Variants in BAZ2B observed in about 807,000 individuals in gnomAD.
BAZ2B encodes the protein bromodomain adjacent to zinc finger domain 2B.
A neutral mutation model predicts 246.0 loss-of-function variants in BAZ2B; 91 were observed. The observed-to-expected ratio is 0.37, with a 90% CI of 0.31 to 0.44. The LOEUF is 0.44. BAZ2B is among the 20% of genes least tolerant of loss of function. The probability of loss-of-function intolerance (pLI) is 1.00; values close to 1 mark genes in which losing one functional copy is unlikely to be tolerated. For missense variants in BAZ2B, 2,332 were observed against 2,533.7 expected (o/e 0.92, Z 1.71); for synonymous variants, 855 against 860.0 (o/e 0.99, Z 0.10).
intron 22 of BAZ2B, 114 bp from the exon 23 acceptor site, chr2:159,385,483 T>G (rs1022714190): frequency 1.1e-5 from 9 of 836,482 alleles, no homozygotes; most frequent in Non-Finnish European, 1.6e-5. Context: ...AAGAGCTTTA[T>G]TCACTTTTTT....
chr2:159,354,116 G>A (rs1449102980), intron 27 of BAZ2B, among the ~76,000 whole-genome samples: 1 of 152,070 alleles, frequency 6.6e-6, no homozygotes, highest in African/African-American at 2.4e-5. Context: ...TTTAGATAAT[G>A]TATTAGTTAG....
chr2:159,565,483 TA>T (rs2090297757), intron 1 of BAZ2B, among the ~76,000 whole-genome samples: 1 of 152,054 alleles, frequency 6.6e-6, no homozygotes, highest in South Asian at 2.1e-4. Flanking sequence ...ACTAAGCATC[TA>T]ATAAATGCTT....
intron 1 of BAZ2B, among the ~76,000 whole-genome samples, chr2:159,581,312 C>T (rs1337508427): frequency 6.6e-6 from 1 of 152,122 alleles, no homozygotes; most frequent in Admixed American, 6.5e-5. Context: ...CCAACAGACA[C>T]ATGAAAAAAT....
chr2:159,599,117 C>T (rs138067278), intron 1 of BAZ2B, among the ~76,000 whole-genome samples: 1 of 152,234 alleles, frequency 6.6e-6, no homozygotes, highest in Non-Finnish European at 1.5e-5. Flanking sequence ...GTAATCCCAG[C>T]TACTCAACTT....
At chr2:159,582,680 T>G (rs950072762) in intron 1 of BAZ2B, among the ~76,000 whole-genome samples, 5 of 152,054 alleles carry the variant, frequency 3.3e-5, no homozygotes, top group Non-Finnish European at 7.4e-5. Flanking sequence ...CCACTGGGCC[T>G]GGATGTTCAT....
chr2:159,390,025 T>C (rs2063136730), intron 20 of BAZ2B, among the ~76,000 whole-genome samples: 1 of 152,174 alleles, frequency 6.6e-6, no homozygotes, highest in Admixed American at 6.6e-5. Context: ...TGGAAATAAC[T>C]GACTTGTCTC....
At chr2:159,675,901 G>A in the BAZ2B span, among the ~76,000 whole-genome samples, 3 of 147,056 alleles carry the variant, frequency 2.0e-5, no homozygotes, top group African/African-American at 7.6e-5. Context: ...CCTACGTTCG[G>A]CTTTTTCTTT....
At chr2:159,395,882 G>T (rs1278321222) in intron 19 of BAZ2B, 48 bp from the exon 20 acceptor site, 1 of 1,502,738 alleles carries the variant, frequency 6.7e-7, no homozygotes, top group Non-Finnish European at 9.1e-7. Flanking sequence ...ACAATTAACA[G>T]TTTGATTTTC....
intron 1 of BAZ2B, among the ~76,000 whole-genome samples, chr2:159,572,694 C>T (rs1405977861): frequency 6.6e-6 from 1 of 151,948 alleles, no homozygotes. Flanking sequence ...TGAATTTTTC[C>T]ATATAGATAG....
chr2:159,606,515 T>C (rs72962214), intron 1 of BAZ2B, among the ~76,000 whole-genome samples: 9,938 of 152,276 alleles, frequency 0.065, 455 homozygotes, highest in East Asian at 0.23. Flanking sequence ...CAGAAGCATG[T>C]TTCAACAACC....
chr2:159,587,732 T>C (rs1370446791), intron 1 of BAZ2B, among the ~76,000 whole-genome samples: 2 of 152,172 alleles, frequency 1.3e-5, no homozygotes, highest in African/African-American at 4.8e-5. Context: ...TACTATATAG[T>C]AATTATTTAC....
At chr2:159,548,563 A>C (rs1007386851) in intron 2 of BAZ2B, among the ~76,000 whole-genome samples, 1 of 152,254 alleles carries the variant, frequency 6.6e-6, no homozygotes, top group African/African-American at 2.4e-5. Context: ...CATCTTAAAA[A>C]ATCAGTGGAT....
At chr2:159,512,145 C>A (rs189568163) in intron 2 of BAZ2B, among the ~76,000 whole-genome samples, 68 of 152,208 alleles carry the variant, frequency 4.5e-4, no homozygotes, top group African/African-American at 1.6e-3. Flanking sequence ...TTAATCTACA[C>A]CAGGTTTTTA....
In BAZ2B at chr2:159,337,530, G is replaced by A. The variant is rs1363773854; in HGVS notation, c.5660+37C>T. ...TAACTGTGCCCACATTATCCAGTTT[G>A]ATCTGAATGGTGGTACTTAAGGGGC... On this transcript the variant is annotated intron_variant, in intron 32 of 36. Transcript: ENST00000392783. The A allele has an allele frequency of 9.9e-6, 16 of 1,613,834 alleles. 1 individual carries two copies. The South Asian group carries it at 1.6e-4, about 17-fold the overall frequency.
At chr2:159,404,611 G>A in intron 16 of BAZ2B, 1 of 417,810 alleles carries the variant, frequency 2.4e-6, no homozygotes, top group Non-Finnish European at 4.2e-6. Flanking sequence ...AGTCTACCAG[G>A]ATATTAAAGT....
intron 27 of BAZ2B, among the ~76,000 whole-genome samples, chr2:159,352,057 A>G (rs1294901891): frequency 1.3e-5 from 2 of 152,184 alleles, no homozygotes; most frequent in Non-Finnish European, 2.9e-5. Context: ...ATAAAAACCA[A>G]ACTCCTAACC....
intron 1 of BAZ2B, among the ~76,000 whole-genome samples, chr2:159,614,615 A>G (rs562167805): frequency 1.3e-5 from 2 of 152,194 alleles, no homozygotes; most frequent in South Asian, 4.1e-4. Context: ...AACAGTTGAA[A>G]CCTTTAAATT....
the BAZ2B span, among the ~76,000 whole-genome samples, chr2:159,687,972 C>A: frequency 2.0e-5 from 3 of 152,286 alleles, no homozygotes; most frequent in East Asian, 3.9e-4. Flanking sequence ...GTTGTGAGTA[C>A]AGGACAAATT....
the BAZ2B span, among the ~76,000 whole-genome samples, chr2:159,672,333 A>G: frequency 6.6e-6 from 1 of 152,250 alleles, no homozygotes; most frequent in African/African-American, 2.4e-5. Context: ...TCACATAAAC[A>G]CACAAATTGT....
Sources: gnomAD v4.1 joint callset for allele counts (sites outside exome capture counted in the v4.1 genomes callset) on GRCh38, gnomAD v4.1.1 for gene constraint, MANE v1.5 for transcripts, NCBI Gene and HGNC (gene_info 2026-07-23, HGNC 2026-07-21) for gene names.